UBE2E2: variants seen among roughly 807,000 people sequenced by gnomAD.
UBE2E2 encodes the protein ubiquitin-conjugating enzyme E2 E2.
In UBE2E2, 6 loss-of-function variants were observed where a neutral mutation model predicts 24.7. The observed-to-expected ratio is 0.24, with a 90% CI of 0.13 to 0.48. The LOEUF (loss-of-function observed/expected upper bound fraction) is 0.48, where lower values mean the gene tolerates loss of function less well. Ranked by LOEUF, UBE2E2 falls within the 20% of genes least tolerant of loss-of-function variation. The probability of loss-of-function intolerance (pLI) is 0.99; values close to 1 mark genes in which losing one functional copy is unlikely to be tolerated. For synonymous variants in UBE2E2, 104 were observed against 83.6 expected (o/e 1.24, Z -1.33); for missense variants, 169 against 245.0 (o/e 0.69, Z 2.07).
chr3:23,267,479 C>T (rs887691027), intron 3 of UBE2E2, among the ~76,000 whole-genome samples: 5 of 152,198 alleles, frequency 3.3e-5, no homozygotes, highest in Admixed American at 2.6e-4. Flanking sequence ...TTCCTCGACA[C>T]ATACACCATC....
intron 4 of UBE2E2, among the ~76,000 whole-genome samples, chr3:23,517,854 A>G (rs575058384): frequency 1.8e-4 from 28 of 152,294 alleles, no homozygotes; most frequent in Admixed American, 6.5e-4. Flanking sequence ...TCAAAGATAA[A>G]TGTTGCAAAT....
intron 4 of UBE2E2, among the ~76,000 whole-genome samples, chr3:23,528,932 C>G (rs547701571): frequency 1.4e-4 from 22 of 152,282 alleles, no homozygotes; most frequent in African/African-American, 5.3e-4. Context: ...GCCTATTCTA[C>G]CACATCTATG....
At chr3:23,247,507 A>G (rs998481696) in intron 3 of UBE2E2, among the ~76,000 whole-genome samples, 2 of 152,112 alleles carry the variant, frequency 1.3e-5, no homozygotes, top group Non-Finnish European at 2.9e-5. Flanking sequence ...GGTGCCCGCC[A>G]CCAAGCCTGG....
chr3:23,292,212 A>T (rs1488424061), intron 3 of UBE2E2, among the ~76,000 whole-genome samples: 1 of 152,088 alleles, frequency 6.6e-6, no homozygotes, highest in Non-Finnish European at 1.5e-5. Context: ...CCTCGGCTCA[A>T]GCAGTCTTCT....
chr3:23,297,450 G>A (rs36132862), intron 3 of UBE2E2, among the ~76,000 whole-genome samples: 11,317 of 152,058 alleles, frequency 0.074, 548 homozygotes, highest in Non-Finnish European at 0.092. Flanking sequence ...TAGGTCTAAC[G>A]TTTAAGTCTT....
intron 3 of UBE2E2, among the ~76,000 whole-genome samples, chr3:23,291,914 A>G (rs1282944291): frequency 7.6e-6 from 1 of 131,918 alleles, no homozygotes. Context: ...GCCAGAGTGC[A>G]GTGGCACGAT....
chr3:23,400,554 C>G (rs1051673381), intron 3 of UBE2E2, among the ~76,000 whole-genome samples: 1 of 151,056 alleles, frequency 6.6e-6, no homozygotes. Flanking sequence ...TCAGCAGTTA[C>G]TTCTCAAAGT....
At chr3:23,508,295 A>G (rs1458179767) in intron 4 of UBE2E2, among the ~76,000 whole-genome samples, 4 of 152,228 alleles carry the variant, frequency 2.6e-5, no homozygotes, top group Non-Finnish European at 5.9e-5. Flanking sequence ...CCAGTTTAGT[A>G]ATTACTAAGA....
intron 3 of UBE2E2, among the ~76,000 whole-genome samples, chr3:23,370,522 A>G (rs1204805248): frequency 1.3e-5 from 2 of 152,226 alleles, no homozygotes; most frequent in Admixed American, 6.5e-5. Flanking sequence ...ATAAAATATT[A>G]TAGGAAATAT....
intron 3 of UBE2E2, among the ~76,000 whole-genome samples, chr3:23,232,191 A>C (rs1399987951): frequency 6.6e-6 from 1 of 152,208 alleles, no homozygotes; most frequent in East Asian, 1.9e-4. Flanking sequence ...GAAGCTGCCT[A>C]AGGGCTGCCA....
intron 3 of UBE2E2, among the ~76,000 whole-genome samples, chr3:23,333,477 C>G (rs571486227): frequency 2.5e-4 from 38 of 152,180 alleles, no homozygotes; most frequent in Non-Finnish European, 5.0e-4. Context: ...GTTTTCCTCC[C>G]CAACTCCCCC....
chr3:23,273,530 C>CA (rs11328464), intron 3 of UBE2E2, among the ~76,000 whole-genome samples: 64,588 of 140,598 alleles, frequency 0.46, 14,861 homozygotes, highest in Admixed American at 0.57. Context: ...GACTCCGTCT[C>CA]AAAAAAAAAA....
chr3:23,501,499 A>G (rs947296206), intron 4 of UBE2E2, among the ~76,000 whole-genome samples: 1 of 152,200 alleles, frequency 6.6e-6, no homozygotes, highest in African/African-American at 2.4e-5. Flanking sequence ...GTGTACAACC[A>G]GGAATCTACT....
rs550478978 is a variant in UBE2E2, at chr3:23,263,345, C to T, written c.227+46033C>T. On this transcript the variant is annotated intron_variant, in intron 3 of 5. Transcript: ENST00000396703. ...TGTATTTAACTATTTACACAAAGAT[C>T]TTTTGTGTTTTTGAGTTGAACTTTA... is the stretch of plus-strand genomic sequence containing the variant. Among the ~76,000 whole-genome samples the T allele has an allele frequency of 3.9e-5, 6 of 152,212 alleles. No individual in the cohort carries two copies. The South Asian group carries it at 1.2e-3, about 32-fold the overall frequency.
At chr3:23,380,814 T>A (rs1417526524) in intron 3 of UBE2E2, among the ~76,000 whole-genome samples, 1 of 152,040 alleles carries the variant, frequency 6.6e-6, no homozygotes, top group East Asian at 1.9e-4. Flanking sequence ...GTTAAGTGAT[T>A]TTTTTTTGAG....
At chr3:23,317,733 C>T (rs1694625057) in intron 3 of UBE2E2, among the ~76,000 whole-genome samples, 1 of 151,978 alleles carries the variant, frequency 6.6e-6, no homozygotes, top group South Asian at 2.1e-4. Flanking sequence ...AAGACCTGCC[C>T]CCATGACTCA....
rs577471440 is a variant in UBE2E2 at position 23,589,300 on chromosome 3, G to T, written c.509-434G>T. On this transcript the variant is annotated intron_variant, in intron 5 of 5. Coordinates refer to ENST00000396703, the MANE Select transcript of UBE2E2 (RefSeq NM_152653.4). This position sits in a 1 kb window ranked among gnomAD's most constrained non-coding sequence, Gnocchi z 4.1. ...CCAGGTGTTGTTGCACACACCTGTG[G>T]TCCCAGCTACTCAGGAGGCTGAGGC... 6.6e-6 allele frequency among the ~76,000 whole-genome samples: 1 copy of T among 151,696 alleles called. No homozygotes were observed. Among genetic ancestry groups the T allele is most frequent in the Middle Eastern group, 3.4e-3 (1 of 294 alleles).
At chr3:23,340,609 G>C (rs925460160) in intron 3 of UBE2E2, among the ~76,000 whole-genome samples, 1 of 152,112 alleles carries the variant, frequency 6.6e-6, no homozygotes, top group Non-Finnish European at 1.5e-5. Context: ...AAGATGCTGA[G>C]TGGGTCCATA....
intron 3 of UBE2E2, among the ~76,000 whole-genome samples, chr3:23,488,235 G>A (rs1265739628): frequency 1.3e-5 from 2 of 148,560 alleles, no homozygotes; most frequent in East Asian, 3.9e-4. Context: ...TTTAAGTTCT[G>A]GGATACGTGT....
Sources: allele counts gnomAD v4.1 joint callset (sites outside exome capture counted in the v4.1 genomes callset), GRCh38; gene constraint gnomAD v4.1.1; non-coding constraint Gnocchi (gnomAD v3.1); transcripts MANE v1.5; gene names NCBI Gene and HGNC (gene_info 2026-07-23, HGNC 2026-07-21).